The following NIPSNAP2 variants were observed in gnomAD, a reference collection of about 807,000 sequenced individuals.
NIPSNAP2 encodes nipsnap homolog 2.
NIPSNAP2 carries 42 observed loss-of-function variants against 48.4 expected under a neutral mutation model. That is an observed-to-expected ratio of 0.87 (90% CI 0.68 to 1.12). NIPSNAP2 has a LOEUF of 1.12. Among genes scored for constraint, NIPSNAP2 ranks in the 50% most tolerant of loss-of-function variants. The pLI is 0.00. For missense variants in NIPSNAP2, 314 were observed against 347.3 expected (o/e 0.90, Z 0.76); for synonymous variants, 158 against 126.6 (o/e 1.25, Z -1.67).
chr7:55,990,842 C>T (rs1032489715), intron 7 of NIPSNAP2, among the ~76,000 whole-genome samples: 10 of 148,142 alleles, frequency 6.8e-5, no homozygotes, highest in Admixed American at 3.4e-4. Flanking sequence ...GGCTGGAGTG[C>T]AGTGGCGCAG....
At chr7:55,984,922 G>A (rs1490199777) in intron 7 of NIPSNAP2, 44 bp downstream of exon 7, 2 of 1,491,418 alleles carry the variant, frequency 1.3e-6, no homozygotes, top group Admixed American at 3.5e-5. Context: ...CTTGTGAATA[G>A]ATTAGTTTAG....
intron 7 of NIPSNAP2, among the ~76,000 whole-genome samples, chr7:55,986,265 G>A (rs922608989): frequency 1.3e-5 from 2 of 152,140 alleles, no homozygotes; most frequent in African/African-American, 4.8e-5. Flanking sequence ...CTCCTCGGGA[G>A]GCTGAGGTGG....
chr7:55,995,077 C>G, intron 8 of NIPSNAP2, 89 bp downstream of exon 8: 1 of 1,073,884 alleles, frequency 9.3e-7, no homozygotes, highest in South Asian at 1.3e-5. Context: ...GAGTCAGTAA[C>G]CTTAACCACT....
intron 8 of NIPSNAP2, among the ~76,000 whole-genome samples, chr7:55,996,767 C>G (rs1405692087): frequency 6.6e-6 from 1 of 152,186 alleles, no homozygotes; most frequent in Non-Finnish European, 1.5e-5. Flanking sequence ...GTGGCTCACG[C>G]CTCGATTCCC....
At chr7:55,995,130 G>A in intron 8 of NIPSNAP2, 142 bp downstream of exon 8, 1 of 680,398 alleles carries the variant, frequency 1.5e-6, no homozygotes, top group Non-Finnish European at 2.6e-6. Flanking sequence ...GTACGGGGCT[G>A]TCTGGAACTA....
At chr7:55,988,768 G>A (rs537046901) in intron 7 of NIPSNAP2, among the ~76,000 whole-genome samples, 4 of 152,222 alleles carry the variant, frequency 2.6e-5, no homozygotes, top group African/African-American at 9.6e-5. Context: ...AGGAGGCTGA[G>A]GCAGGAGAAT....
intron 8 of NIPSNAP2, among the ~76,000 whole-genome samples, chr7:55,996,902 C>T (rs1451398658): frequency 6.6e-6 from 1 of 151,818 alleles, no homozygotes; most frequent in African/African-American, 2.4e-5. Flanking sequence ...AAGAATGGGC[C>T]AGGCGTGGTG....
chr7:55,997,776 C>G (rs534372462), intron 9 of NIPSNAP2, among the ~76,000 whole-genome samples: 4 of 152,166 alleles, frequency 2.6e-5, no homozygotes, highest in East Asian at 3.9e-4. Flanking sequence ...TTTTTCTAAG[C>G]TTTCCTTTTC....
intron 7 of NIPSNAP2, among the ~76,000 whole-genome samples, chr7:55,991,293 A>G: frequency 6.6e-6 from 1 of 152,132 alleles, no homozygotes; most frequent in East Asian, 1.9e-4. Flanking sequence ...GTATGCTACT[A>G]TTATATACAA....
intron 7 of NIPSNAP2, among the ~76,000 whole-genome samples, chr7:55,990,420 A>G (rs1584349715): frequency 6.6e-6 from 1 of 151,712 alleles, no homozygotes; most frequent in South Asian, 2.1e-4. Context: ...TTTAGTAGAG[A>G]CGGGGTTTCA....
chr7:55,974,459 C>A (rs1482833143), intron 1 of NIPSNAP2, among the ~76,000 whole-genome samples: 2 of 151,896 alleles, frequency 1.3e-5, no homozygotes, highest in East Asian at 1.9e-4. Flanking sequence ...TTCCTGGTCC[C>A]CCTTTTTAAT....
chr7:55,975,875 TAAAAATAC>T lies in NIPSNAP2; in HGVS notation c.93-2244_93-2237del, dbSNP rs1206707172. On this transcript the variant is annotated intron_variant, in intron 1 of 9. Coordinates refer to ENST00000322090, the MANE Select transcript of NIPSNAP2 (RefSeq NM_001483.3). ...TAACATGGCAAAACCCTGTTTCTAC[TAAAAATAC>T]AAAAATTAGCCGTGCACGGTGGCAC... is the stretch of plus-strand genomic sequence containing the variant. Among the ~76,000 whole-genome samples the T allele has an allele frequency of 7.9e-5, 12 of 152,232 alleles. No individual in the cohort carries two copies. The East Asian group carries it at 2.3e-3, about 29-fold the overall frequency.
chr7:55,977,685 G>A (rs1200472025), intron 1 of NIPSNAP2, among the ~76,000 whole-genome samples: 1 of 152,060 alleles, frequency 6.6e-6, no homozygotes, highest in Admixed American at 6.6e-5. Flanking sequence ...ATACAGTTCA[G>A]TGGCATTAAG....
chr7:55,973,141 A>G (rs1030473121), intron 1 of NIPSNAP2, among the ~76,000 whole-genome samples: 1 of 152,092 alleles, frequency 6.6e-6, no homozygotes, highest in African/African-American at 2.4e-5. Flanking sequence ...AAAGCACAAT[A>G]TAGACATTAT....
At chr7:55,994,434 C>G (rs938986352) in intron 7 of NIPSNAP2, among the ~76,000 whole-genome samples, 2 of 152,066 alleles carry the variant, frequency 1.3e-5, no homozygotes, top group African/African-American at 4.8e-5. Context: ...ACTTTTAGAC[C>G]AGGTGTGGTG....
intron 7 of NIPSNAP2, among the ~76,000 whole-genome samples, chr7:55,991,435 G>A (rs556579047): frequency 6.6e-6 from 1 of 151,832 alleles, no homozygotes; most frequent in East Asian, 1.9e-4. Flanking sequence ...GGGACATACT[G>A]GGGTTATTCA....
At chr7:55,985,576 CAAAATAAA>C (rs1787311682) in intron 7 of NIPSNAP2, among the ~76,000 whole-genome samples, 1 of 151,466 alleles carries the variant, frequency 6.6e-6, no homozygotes, top group Non-Finnish European at 1.5e-5. Context: ...CAACCTCTAC[CAAAATAAA>C]TAAATAAATA....
chr7:55,993,021 A>G (rs1231949258), intron 7 of NIPSNAP2, among the ~76,000 whole-genome samples: 1 of 152,100 alleles, frequency 6.6e-6, no homozygotes, highest in Non-Finnish European at 1.5e-5. Flanking sequence ...GCTCTGAGCC[A>G]GGCGCAGTGG....
At chr7:55,997,295 T>G (rs1032811868) in intron 8 of NIPSNAP2, 71 bp from the exon 9 acceptor site, 13 of 1,128,892 alleles carry the variant, frequency 1.2e-5, no homozygotes, top group Non-Finnish European at 1.8e-5. Context: ...GAAGCAAGAC[T>G]TTAACGGATG....
Sources: gnomAD v4.1 joint callset for allele counts (sites outside exome capture counted in the v4.1 genomes callset) on GRCh38, gnomAD v4.1.1 for gene constraint, MANE v1.5 for transcripts, NCBI Gene and HGNC (gene_info 2026-07-23, HGNC 2026-07-21) for gene names.